The following COG5 variants were observed in gnomAD, a reference collection of about 807,000 sequenced individuals.
COG5 encodes the protein component of oligomeric golgi complex 5, also known as conserved oligomeric Golgi complex subunit 5.
In COG5, 86 loss-of-function variants were observed where a neutral mutation model predicts 110.4. The ratio of observed to expected loss-of-function variants is 0.78; its 90% CI spans 0.65 to 0.93. COG5 has a LOEUF of 0.93. COG5 is among the 40% of genes least tolerant of loss of function. The probability of loss-of-function intolerance (pLI) is 0.00; values close to 1 mark genes in which losing one functional copy is unlikely to be tolerated. For missense variants in COG5, 1,077 were observed against 987.0 expected (o/e 1.09, Z -1.22); for synonymous variants, 360 against 334.6 (o/e 1.08, Z -0.83).
chr7:107,542,356 A>T (rs1309863709), intron 5 of COG5, among the ~76,000 whole-genome samples: 1 of 152,164 alleles, frequency 6.6e-6, no homozygotes, highest in African/African-American at 2.4e-5. Flanking sequence ...ATTAGCAAAA[A>T]CTAACAAGTT....
At chr7:107,477,156 A>G (rs1797042466) in intron 6 of COG5, among the ~76,000 whole-genome samples, 1 of 151,700 alleles carries the variant, frequency 6.6e-6, no homozygotes, top group Non-Finnish European at 1.5e-5. Flanking sequence ...TTCGTTTAGT[A>G]AATACATTTG....
chr7:107,331,392 C>T (rs952483333), intron 10 of COG5, among the ~76,000 whole-genome samples: 4 of 151,784 alleles, frequency 2.6e-5, no homozygotes, highest in East Asian at 1.9e-4. Context: ...GGCGTGAACC[C>T]GGGAGGCGGA....
chr7:107,540,878 C>T (rs1237960882), intron 5 of COG5, among the ~76,000 whole-genome samples: 1 of 151,760 alleles, frequency 6.6e-6, no homozygotes, highest in Admixed American at 6.6e-5. Context: ...AGGCCGGGCA[C>T]GGTGGCTCAT....
At chr7:107,507,297 C>CTT (rs10713224) in intron 6 of COG5, among the ~76,000 whole-genome samples, 2 of 131,606 alleles carry the variant, frequency 1.5e-5, no homozygotes, top group Admixed American at 7.8e-5. Flanking sequence ...CTTTTCTTTT[C>CTT]TTTTTTTTTT....
intron 14 of COG5, among the ~76,000 whole-genome samples, chr7:107,260,595 C>G (rs1459145022): frequency 2.0e-5 from 3 of 151,912 alleles, no homozygotes; most frequent in Admixed American, 2.0e-4. Flanking sequence ...TAGAAAAAAT[C>G]CCAGGATTCC....
At chr7:107,274,154 G>C (rs1042510428) in intron 14 of COG5, among the ~76,000 whole-genome samples, 1 of 152,094 alleles carries the variant, frequency 6.6e-6, no homozygotes, top group African/African-American at 2.4e-5. Context: ...GCTCAGCCAG[G>C]TGTGGTGGAG....
intron 11 of COG5, among the ~76,000 whole-genome samples, chr7:107,322,733 CAAGAG>C (rs1174551699): frequency 6.6e-6 from 1 of 152,012 alleles, no homozygotes; most frequent in Non-Finnish European, 1.5e-5. Flanking sequence ...CATATTTGCA[CAAGAG>C]AAGGAACACA....
At chr7:107,479,856 T>G (rs1023199386) in intron 6 of COG5, among the ~76,000 whole-genome samples, 4 of 152,166 alleles carry the variant, frequency 2.6e-5, no homozygotes, top group Non-Finnish European at 4.4e-5. Flanking sequence ...ATTTTTCCAT[T>G]AAACACATAT....
chr7:107,308,377 G>A (rs1807913551), intron 11 of COG5, among the ~76,000 whole-genome samples: 1 of 152,174 alleles, frequency 6.6e-6, no homozygotes, highest in Non-Finnish European at 1.5e-5. Flanking sequence ...GAGCAACCAA[G>A]TTGAAAACCA....
chr7:107,293,573 A>C (rs965803192), intron 12 of COG5, among the ~76,000 whole-genome samples: 1 of 152,154 alleles, frequency 6.6e-6, no homozygotes, highest in South Asian at 2.1e-4. Flanking sequence ...CTGGACTCCA[A>C]CTTAAATGAA....
intron 7 of COG5, among the ~76,000 whole-genome samples, chr7:107,407,019 G>C (rs1419730407): frequency 6.6e-6 from 1 of 152,132 alleles, no homozygotes; most frequent in Non-Finnish European, 1.5e-5. Context: ...GGTTGACTTG[G>C]AATTCCTTAA....
chr7:107,483,400 T>C (rs538983086), intron 6 of COG5, among the ~76,000 whole-genome samples: 170 of 152,240 alleles, frequency 1.1e-3, no homozygotes, highest in Non-Finnish European at 2.0e-3. Context: ...TGCTAGTGAA[T>C]ACAACTTAAA....
chr7:107,375,202 G>C (rs556266491), intron 7 of COG5, among the ~76,000 whole-genome samples: 1 of 152,088 alleles, frequency 6.6e-6, no homozygotes, highest in African/African-American at 2.4e-5. Context: ...TGCAGCAGTA[G>C]TTGATTCATT....
rs1376763970 is a variant in COG5 at position 107,548,139 on chromosome 7, G to T, written c.389C>A (p.Ala130Asp). ...AAGTCTTGCTAGTTGTGCAGTCCGG[G>T]CAACTATCTTATTGTATGGTTCAAC... ...KIVEPYNKIV[A>D]RTAQLARLQV... The change falls in exon 5 of 22, where the codon GCC (alanine) becomes GAC (aspartate). Residue 130 changes from alanine (A) to aspartate (D), a missense_variant. Physicochemically the swap from Ala to Asp is moderately radical, Grantham distance 126. Transcript: ENST00000297135. 6.2e-7 allele frequency: 1 copy of T among 1,613,636 alleles called. No homozygotes were observed. Among genetic ancestry groups the T allele is most frequent in the Non-Finnish European group, 8.5e-7 (1 of 1,179,776 alleles).
chr7:107,305,946 G>A (rs1807677281), intron 11 of COG5, among the ~76,000 whole-genome samples: 1 of 152,050 alleles, frequency 6.6e-6, no homozygotes, highest in Non-Finnish European at 1.5e-5. Context: ...TATTTAAGAA[G>A]AAAAGATTAC....
intron 19 of COG5, among the ~76,000 whole-genome samples, chr7:107,212,210 G>A (rs1011056761): frequency 1.3e-5 from 2 of 152,120 alleles, no homozygotes; most frequent in African/African-American, 4.8e-5. Flanking sequence ...TATTCTACAA[G>A]TAAAAATCTA....
Position 107,210,583 on chromosome 7 carries a change from C to A in COG5, c.2318G>T (p.Arg773Leu). Residue 773 changes from arginine (R) to leucine (L), a missense_variant, in exon 21 of 22, where the codon CGC becomes CTC. Physicochemically the swap from Arg to Leu is moderately radical, Grantham distance 102 (BLOSUM62 -2). Transcript: ENST00000297135. ...PFQRAEWSHT[R>L]FSQWLDDHPS... The stretch of plus-strand genomic sequence containing the variant: ...ATGGTCATCCAGCCACTGAGAGAAG[C>A]GTGTGTGGGACCACTCTGCCCTCTG... The A allele has an allele frequency of 6.2e-7, 1 of 1,604,240 alleles. No individual in the cohort carries two copies. The highest frequency in any genetic ancestry group is 8.5e-7 in the Non-Finnish European group (1 of 1,175,338).
chr7:107,238,060 A>G (rs1473399283), intron 17 of COG5, among the ~76,000 whole-genome samples: 1 of 152,200 alleles, frequency 6.6e-6, no homozygotes, highest in Admixed American at 6.6e-5. Flanking sequence ...GTGTGGAATG[A>G]CTGAATCAAG....
intron 6 of COG5, among the ~76,000 whole-genome samples, chr7:107,427,101 T>A (rs540301243): frequency 1.3e-5 from 2 of 152,280 alleles, no homozygotes; most frequent in South Asian, 4.1e-4. Context: ...AAAAATCAAT[T>A]CCTCTGGTCT....
Sources: allele counts gnomAD v4.1 joint callset (sites outside exome capture counted in the v4.1 genomes callset), GRCh38; gene constraint gnomAD v4.1.1; transcripts MANE v1.5; gene names NCBI Gene and HGNC (gene_info 2026-07-23, HGNC 2026-07-21).